Variants in ACACA observed in about 807,000 individuals in gnomAD.
ACACA encodes the protein acetyl-CoA carboxylase 1.
ACACA carries 103 observed loss-of-function variants against 296.1 expected under a neutral mutation model. The ratio of observed to expected loss-of-function variants is 0.35; its 90% CI spans 0.30 to 0.41. The LOEUF (loss-of-function observed/expected upper bound fraction) is 0.41. Among genes scored for constraint, ACACA ranks in the 10% least tolerant of loss-of-function variants. The pLI is 1.00. For synonymous variants in ACACA, 953 were observed against 1,038.6 expected, an observed-to-expected ratio of 0.92 and a Z score of 1.58; for missense variants, 1,554 against 2,989.7, an observed-to-expected ratio of 0.52 and a Z score of 11.20.
At position 37,206,832 on chromosome 17, in the gene ACACA, C is replaced by T. The variant is rs150813639; in HGVS notation, c.3899G>A (p.Ser1300Asn). ...MGCFSDSPPQ[S>N]PTFPEAGHTS... ...GTGACCTGCCTCAGGGAATGTGGGA[C>T]TCTGGGGTGGGGAGTCAGAGAAGCA... Residue 1300 changes from serine to asparagine, a missense_variant, in exon 32 of 56, where the codon AGT (serine) becomes AAT (asparagine). Around this residue, in one of 16 missense-constraint regions of ACACA, gnomAD observed 179 missense variants for 283.2 expected, o/e 0.63. Coordinates refer to ENST00000616317, the MANE Select transcript of ACACA (RefSeq NM_198834.3). 6.2e-7 allele frequency: 1 copy of T among 1,613,784 alleles called. No homozygotes were observed. The highest frequency in any genetic ancestry group is 8.5e-7 in the Non-Finnish European group (1 of 1,179,824).
intron 11 of ACACA, 74 bp from the exon 12 acceptor site, chr17:37,259,604 A>C: frequency 1.3e-6 from 2 of 1,535,636 alleles, no homozygotes; most frequent in Non-Finnish European, 1.8e-6. Flanking sequence ...CCTCTCACTG[A>C]CTCAACTGTT....
Position 37,246,858 on chromosome 17 carries a change from C to A in ACACA, c.2428G>T (p.Val810Leu). 6.2e-7 allele frequency: 1 copy of A among 1,614,124 alleles called. No homozygotes were observed. The highest frequency in any genetic ancestry group is 8.5e-7 in the Non-Finnish European group (1 of 1,180,036). The change falls in exon 19 of 56, where the codon GTG (valine) becomes TTG (leucine). Residue 810 changes from valine (V) to leucine (L), a missense_variant. This residue lies in a region of ACACA where 316 missense variants were observed against 540.9 expected (regional missense o/e 0.58). Transcript: ENST00000616317. ...IQYIVEDGGH[V>L]FAGQCYAEIE... The stretch of plus-strand genomic sequence containing the variant: ...TCAGCATAGCACTGGCCGGCAAACA[C>A]ATGACCTCCATCTTCTACAATGTAC...
chr17:37,353,618 G>A (rs563360890), intron 1 of ACACA, among the ~76,000 whole-genome samples: 12 of 113,128 alleles, frequency 1.1e-4, no homozygotes, highest in East Asian at 3.0e-4. Flanking sequence ...CAGCCTAGGC[G>A]ACAGAGCAAG....
chr17:37,107,901 C>CAA (rs1022187824), intron 52 of ACACA, among the ~76,000 whole-genome samples: 13 of 152,224 alleles, frequency 8.5e-5, no homozygotes, highest in African/African-American at 3.1e-4. Flanking sequence ...GCCAGGCTAG[C>CAA]AAGGCCGTCC....
chr17:37,091,031 A>G (rs1597786774), intron 54 of ACACA, among the ~76,000 whole-genome samples: 1 of 152,192 alleles, frequency 6.6e-6, no homozygotes, highest in African/African-American at 2.4e-5. Flanking sequence ...GTTTGCTTTT[A>G]ATTAAGAAAC....
chr17:37,374,077 G>A (rs986469531), intron 1 of ACACA, among the ~76,000 whole-genome samples: 2 of 152,008 alleles, frequency 1.3e-5, no homozygotes, highest in East Asian at 1.9e-4. Context: ...AAGTTTTCTA[G>A]TCTGGGTGCA....
intron 33 of ACACA, among the ~76,000 whole-genome samples, chr17:37,203,242 G>C (rs953541195): frequency 2.0e-5 from 3 of 152,026 alleles, no homozygotes; most frequent in Non-Finnish European, 4.4e-5. Flanking sequence ...TTACAGGCGT[G>C]AGCCACTGCG....
At chr17:37,219,033 G>A (rs2145613865) in intron 29 of ACACA, among the ~76,000 whole-genome samples, 1 of 152,314 alleles carries the variant, frequency 6.6e-6, no homozygotes, top group South Asian at 2.1e-4. Flanking sequence ...TATGCTAAGA[G>A]ATGAGATGAC....
chr17:37,352,916 G>A (rs549270911), intron 1 of ACACA, among the ~76,000 whole-genome samples: 1 of 152,206 alleles, frequency 6.6e-6, no homozygotes, highest in East Asian at 1.9e-4. Context: ...GCAGTTTTAG[G>A]GAGGCAGTTT....
chr17:37,145,651 G>A (rs1052570981), intron 45 of ACACA, among the ~76,000 whole-genome samples: 4 of 152,162 alleles, frequency 2.6e-5, no homozygotes, highest in Non-Finnish European at 5.9e-5. Flanking sequence ...ATGAAACTAA[G>A]TCACTTTCCC....
chr17:37,389,281 C>A (rs1337422704), intron 1 of ACACA: 5 of 1,597,052 alleles, frequency 3.1e-6, no homozygotes, highest in Non-Finnish European at 3.4e-6. Context: ...TGTGCCAATG[C>A]CAGTGGTTGT....
At chr17:37,321,135 A>G (rs977916161) in intron 3 of ACACA, among the ~76,000 whole-genome samples, 1 of 152,128 alleles carries the variant, frequency 6.6e-6, no homozygotes, top group Admixed American at 6.6e-5. Flanking sequence ...AAACTTGACT[A>G]ATATTTCCTA....
chr17:37,164,767 A>C (rs1414427656), intron 41 of ACACA, among the ~76,000 whole-genome samples: 2 of 152,134 alleles, frequency 1.3e-5, no homozygotes, highest in Admixed American at 1.3e-4. Flanking sequence ...TTTCCTCTAA[A>C]TGCATTTGTA....
At chr17:37,098,469 A>C (rs555757682) in intron 52 of ACACA, among the ~76,000 whole-genome samples, 1 of 152,372 alleles carries the variant, frequency 6.6e-6, no homozygotes, top group East Asian at 1.9e-4. Flanking sequence ...TTCCGTGTAC[A>C]TGCGAGTTAT....
intron 1 of ACACA, among the ~76,000 whole-genome samples, chr17:37,390,793 C>CAAAAA (rs534003529): frequency 1.8e-5 from 2 of 113,366 alleles, no homozygotes; most frequent in African/African-American, 6.6e-5. Context: ...ACCCTGTGTC[C>CAAAAA]AAAAAAAAAA....
chr17:37,113,028 G>A lies in ACACA; in HGVS notation c.6452+60C>T. The A allele has an allele frequency of 6.3e-7, 1 of 1,599,788 alleles. No homozygotes were observed. The highest frequency in any genetic ancestry group is 8.6e-7 in the Non-Finnish European group (1 of 1,169,182). ...GCCATGGCTGTAACATTCTCCAGGA[G>A]GAAACCAACAGCTACAGGGTCCCTA... is the stretch of plus-strand genomic sequence containing the variant. On this transcript the variant is annotated intron_variant, in intron 51 of 55. Coordinates refer to ENST00000616317, the MANE Select transcript of ACACA (RefSeq NM_198834.3). This position sits in a 1 kb window ranked among gnomAD's most constrained non-coding sequence, Gnocchi z 4.0.
intron 3 of ACACA, among the ~76,000 whole-genome samples, chr17:37,314,737 T>C (rs1187117275): frequency 1.4e-5 from 2 of 147,958 alleles, no homozygotes; most frequent in African/African-American, 2.5e-5. Context: ...GCCTTCTGGG[T>C]TCAAGTGATT....
intron 1 of ACACA, among the ~76,000 whole-genome samples, chr17:37,403,254 C>T (rs554004202): frequency 1.3e-5 from 2 of 152,208 alleles, no homozygotes; most frequent in African/African-American, 4.8e-5. Context: ...TTCAGCTGGT[C>T]GTGTAAGTGA....
chr17:37,223,179 C>G (rs1344293151), intron 28 of ACACA, among the ~76,000 whole-genome samples: 1 of 152,202 alleles, frequency 6.6e-6, no homozygotes, highest in Non-Finnish European at 1.5e-5. Flanking sequence ...GACACATGCT[C>G]TGATCAGCCA....
Sources: gnomAD v4.1 joint callset for allele counts (sites outside exome capture counted in the v4.1 genomes callset) on GRCh38, gnomAD v4.1.1 for gene constraint, gnomAD v4.1.1 regional missense constraint, Gnocchi (gnomAD v3.1) non-coding constraint, MANE v1.5 for transcripts, NCBI Gene and HGNC (gene_info 2026-07-23, HGNC 2026-07-21) for gene names.